The following TRPC5 variants were observed in gnomAD, a reference collection of about 807,000 sequenced individuals.
The protein encoded by TRPC5 is transient receptor potential cation channel subfamily C member 5, also known as short transient receptor potential channel 5.
TRPC5 carries 9 observed loss-of-function variants against 56.5 expected under a neutral mutation model. The observed-to-expected ratio is 0.16, with a 90% confidence interval of 0.10 to 0.28. TRPC5 has a LOEUF of 0.28. Among genes scored for constraint, TRPC5 ranks in the 10% least tolerant of loss-of-function variants. The pLI is 1.00. For missense variants in TRPC5, 469 were observed against 748.9 expected (o/e 0.63, Z 4.36); for synonymous variants, 282 against 278.5 (o/e 1.01, Z -0.13).
chrX:111,815,211 G>A (rs959700542), intron 7 of TRPC5, among the ~76,000 whole-genome samples: 8 of 111,222 alleles, frequency 7.2e-5, no homozygotes, highest in Non-Finnish European at 9.4e-5. Context: ...ATTAGAATTT[G>A]TTTACATCAG....
intron 3 of TRPC5, among the ~76,000 whole-genome samples, chrX:111,881,270 G>A: frequency 9.1e-6 from 1 of 109,839 alleles, no homozygotes; most frequent in East Asian, 2.8e-4. Flanking sequence ...TCCACCTCCC[G>A]GGTTCAAGTG....
At chrX:111,799,818 A>G (rs1293461458) in intron 7 of TRPC5, among the ~76,000 whole-genome samples, 1 of 111,710 alleles carries the variant, frequency 9.0e-6, no homozygotes, top group Non-Finnish European at 1.9e-5. Flanking sequence ...GGTCTTGGAG[A>G]TATTCAAGGG....
rs61612214 is a variant in TRPC5, at chrX:111,907,721, G to T, written c.900+4570C>A. Among the ~76,000 whole-genome samples, 908 of 110,869 alleles carry T rather than the reference G, an allele frequency of 8.2e-3. 8 individuals carry two copies. The highest frequency in any genetic ancestry group is 0.028 in the African/African-American group (844 of 30,576). ...TTGCATCGAAAGGAAAGATTGGTTT[G>T]CCTACTTTCATCCAATCCTACATGA... On this transcript the variant is annotated intron_variant, in intron 3 of 10. Coordinates refer to ENST00000262839, the MANE Select transcript of TRPC5 (RefSeq NM_012471.3).
chrX:112,073,465 T>C (rs2147747771), intron 1 of TRPC5, among the ~76,000 whole-genome samples: 1 of 110,708 alleles, frequency 9.0e-6, no homozygotes, highest in South Asian at 3.8e-4. Context: ...AGACGGGGTT[T>C]CACCATGTTG....
At chrX:111,884,251 T>C (rs1458230687) in intron 3 of TRPC5, among the ~76,000 whole-genome samples, 7 of 112,847 alleles carry the variant, frequency 6.2e-5, no homozygotes, top group African/African-American at 2.3e-4. Flanking sequence ...ATTCATGTCC[T>C]AAGCCTAGTT....
At chrX:111,906,848 C>T (rs1925645271) in intron 3 of TRPC5, among the ~76,000 whole-genome samples, 1 of 111,517 alleles carries the variant, frequency 9.0e-6, no homozygotes, top group Non-Finnish European at 1.9e-5. Context: ...TCAGGTATGG[C>T]ACTAGAGAGT....
intron 1 of TRPC5, among the ~76,000 whole-genome samples, chrX:111,999,578 TG>T (rs1928642699): frequency 1.8e-5 from 2 of 112,158 alleles, no homozygotes; most frequent in African/African-American, 6.5e-5. Flanking sequence ...GCAGTAAACA[TG>T]GGAGTGCAGT....
chrX:112,009,857 G>A (rs775725240), intron 1 of TRPC5, among the ~76,000 whole-genome samples: 1 of 111,264 alleles, frequency 9.0e-6, no homozygotes, highest in Admixed American at 9.6e-5. Flanking sequence ...GGGGTGGGTG[G>A]AGCAGGGAGG....
At chrX:111,948,471 C>T (rs1926985468) in intron 2 of TRPC5, among the ~76,000 whole-genome samples, 1 of 111,664 alleles carries the variant, frequency 9.0e-6, no homozygotes, top group African/African-American at 3.3e-5. Flanking sequence ...GTGGCTCATG[C>T]CTGTAATCCT....
intron 1 of TRPC5, among the ~76,000 whole-genome samples, chrX:112,028,204 C>G (rs1315119551): frequency 8.9e-6 from 1 of 112,272 alleles, no homozygotes; most frequent in African/African-American, 3.2e-5. Flanking sequence ...TATACAAACA[C>G]AGGCCCAGAA....
At chrX:112,073,355 C>T (rs1930759367) in intron 1 of TRPC5, among the ~76,000 whole-genome samples, 1 of 111,097 alleles carries the variant, frequency 9.0e-6, no homozygotes, top group Admixed American at 9.5e-5. Context: ...CTGTAACCTC[C>T]ACCTCCTGAG....
chrX:111,781,767 C>T lies in TRPC5; in HGVS notation c.2100+168G>A, dbSNP rs191006784. On this transcript the variant is annotated intron_variant, in intron 8 of 10. Transcript: ENST00000262839. ...AAAATTAGCCAGGTGTGGTGGCAGACGCCTGTAATCCCAGCTACTGGGGAG... is the reference window on the plus strand; with the variant it reads ...AAAATTAGCCAGGTGTGGTGGCAGATGCCTGTAATCCCAGCTACTGGGGAG... Among the ~76,000 whole-genome samples, 203 of 110,691 alleles carry T rather than the reference C, an allele frequency of 1.8e-3. 1 individual carries two copies. Among genetic ancestry groups the T allele is most frequent in the Admixed American group, 3.2e-3 (33 of 10,444 alleles).
In TRPC5 at chrX:111,776,975, G is replaced by A; in HGVS notation, c.2260C>T (p.Arg754Trp). 1 of 1,148,120 alleles carries A rather than the reference G, an allele frequency of 8.7e-7. No individual in the cohort carries two copies. Among genetic ancestry groups the A allele is most frequent in the Non-Finnish European group, 1.2e-6 (1 of 864,984 alleles). 94.6% of individuals were successfully genotyped at this position (1,148,120 alleles called of 1,213,427 possible). A position where few individuals can be genotyped will look rare whatever the true frequency, so the allele number is the denominator to read the frequency against. ...CCCAAGAGGTCAAGCACTTCATACC[G>A]AAAGCTGGAGATGTCTTGCTTTAAT... ...KELKQDISSF[R>W]YEVLDLLGNR... The change falls in exon 11 of 11, where the codon CGG (arginine) becomes TGG (tryptophan). Residue 754 changes from arginine to tryptophan, a missense_variant. By Grantham distance (101) the Arg-to-Trp change is moderately radical. Coordinates refer to ENST00000262839, the MANE Select transcript of TRPC5 (RefSeq NM_012471.3).
chrX:112,007,151 A>G (rs1928866568), intron 1 of TRPC5, among the ~76,000 whole-genome samples: 1 of 111,290 alleles, frequency 9.0e-6, no homozygotes, highest in Admixed American at 9.6e-5. Flanking sequence ...ATAGGTTTTG[A>G]TGAACATTCC....
chrX:111,912,389 T>C lies in TRPC5; in HGVS notation c.802A>G (p.Ile268Val). ...QARSSRELEI[I>V]LNHRDDHSEE... ...CTGTGGTCATCTCGATGGTTGAGGA[T>C]GATCTCCAGTTCCCTGGAGCTCCGA... The change falls in exon 3 of 11, where the codon ATC (isoleucine) becomes GTC (valine). Residue 268 changes from isoleucine to valine, a missense_variant. Physicochemically the swap from Ile to Val is conservative, Grantham distance 29 (BLOSUM62 3). Around this residue, in one of 3 missense-constraint regions of TRPC5, gnomAD observed 157 missense variants for 360.0 expected, o/e 0.44. Transcript: ENST00000262839. The C allele has an allele frequency of 8.3e-7, 1 of 1,211,805 alleles. No homozygotes were observed. The highest frequency in any genetic ancestry group is 1.1e-6 in the Non-Finnish European group (1 of 895,577).
chrX:112,079,453 T>C (rs956644594), intron 1 of TRPC5, among the ~76,000 whole-genome samples: 1 of 112,290 alleles, frequency 8.9e-6, no homozygotes, highest in African/African-American at 3.2e-5. Flanking sequence ...AATTCTATCA[T>C]TGTTTACACA....
chrX:111,988,548 G>A (rs1928271346), intron 1 of TRPC5, among the ~76,000 whole-genome samples: 1 of 110,583 alleles, frequency 9.0e-6, no homozygotes, highest in Non-Finnish European at 1.9e-5. Flanking sequence ...AAAGATTTTA[G>A]GCTGGTATTC....
chrX:111,819,120 G>A (rs1349671131), intron 7 of TRPC5, among the ~76,000 whole-genome samples: 2 of 111,488 alleles, frequency 1.8e-5, no homozygotes, highest in Non-Finnish European at 3.8e-5. Flanking sequence ...TTTGGGAAGT[G>A]CACCGGCATC....
In TRPC5 at chrX:111,912,633, C is replaced by T. The variant is rs1226379595; in HGVS notation, c.558G>A (p.Glu186=). 1 of 1,209,224 alleles carries T rather than the reference C, an allele frequency of 8.3e-7. No individual in the cohort carries two copies. The highest frequency in any genetic ancestry group is 1.1e-6 in the Non-Finnish European group (1 of 895,068). The change falls in exon 3 of 11, where the codon GAG becomes GAA. Residue 186 remains glutamate (E), a synonymous_variant. Coordinates refer to ENST00000262839, the MANE Select transcript of TRPC5 (RefSeq NM_012471.3). The part of the protein sequence containing the change: ...CNCVECVSSS[E]VDSLRHSRSR... The stretch of plus-strand genomic sequence containing the variant: ...AGCGAGAGTGGCGCAGGCTGTCTAC[C>T]TCTGAACTAGACACACACTCCACAC...
Sources: allele counts gnomAD v4.1 joint callset (sites outside exome capture counted in the v4.1 genomes callset), GRCh38; gene constraint gnomAD v4.1.1; regional missense constraint gnomAD v4.1.1; transcripts MANE v1.5; gene names NCBI Gene and HGNC (gene_info 2026-07-23, HGNC 2026-07-21).